The following CDYL2 variants were observed in gnomAD, a reference collection of about 807,000 sequenced individuals.
CDYL2 encodes chromodomain Y like 2.
A neutral mutation model predicts 49.4 loss-of-function variants in CDYL2; 23 were observed. That is an observed-to-expected ratio of 0.47 (90% CI 0.34 to 0.66). The LOEUF (loss-of-function observed/expected upper bound fraction) is 0.66, where lower values mean the gene tolerates loss of function less well. Ranked by LOEUF, CDYL2 falls within the 30% of genes least tolerant of loss-of-function variation. CDYL2 has a pLI of 0.01. For missense variants in CDYL2, 678 were observed against 656.4 expected (o/e 1.03, Z -0.36); for synonymous variants, 360 against 268.8 (o/e 1.34, Z -3.32).
At chr16:80,640,819 A>G (rs1472075926) in intron 2 of CDYL2, among the ~76,000 whole-genome samples, 1 of 152,252 alleles carries the variant, frequency 6.6e-6, no homozygotes, top group African/African-American at 2.4e-5. Context: ...TGAAGAATGC[A>G]GCAGACTCTG....
Position 80,602,953 on chromosome 16 carries a change from C to G in CDYL2, c.*1435G>C, listed in dbSNP as rs986127919. 1 of 152,276 alleles carries G rather than the reference C, an allele frequency of 6.6e-6. No individual in the cohort carries two copies. The highest frequency in any genetic ancestry group is 2.4e-5 in the African/African-American group (1 of 41,444). The allele number at this position is 152,276 out of a possible 1,614,324, so 9.4% of individuals were successfully genotyped here. A position where few individuals can be genotyped will look rare whatever the true frequency, so the allele number is the denominator to read the frequency against. ...CACTCAAAACCACAACCCCCAATCC[C>G]TCCTTCTCTGTAGTTAATCCAGGGA... On this transcript the variant is annotated 3_prime_UTR_variant, in exon 7 of 7. Transcript: ENST00000570137.
At chr16:80,698,742 C>T (rs1026392215) in intron 1 of CDYL2, among the ~76,000 whole-genome samples, 1 of 152,126 alleles carries the variant, frequency 6.6e-6, no homozygotes, top group Non-Finnish European at 1.5e-5. Flanking sequence ...TCTTCCCCTT[C>T]ACCTTCTGCC....
At chr16:80,744,376 A>C (rs1905853846) in intron 1 of CDYL2, among the ~76,000 whole-genome samples, 2 of 152,088 alleles carry the variant, frequency 1.3e-5, no homozygotes, top group Non-Finnish European at 2.9e-5. Flanking sequence ...TCCCCTTCAC[A>C]CATTGCATCC....
intron 1 of CDYL2, among the ~76,000 whole-genome samples, chr16:80,742,468 G>GGATGGATA (rs1211055253): frequency 2.6e-5 from 4 of 151,284 alleles, no homozygotes; most frequent in Non-Finnish European, 5.9e-5. Flanking sequence ...ATGCATGGAT[G>GGATGGATA]GATGGATGGA....
At chr16:80,729,911 A>T (rs538225901) in intron 1 of CDYL2, among the ~76,000 whole-genome samples, 1 of 152,338 alleles carries the variant, frequency 6.6e-6, no homozygotes, top group Non-Finnish European at 1.5e-5. Context: ...AACGAGAACA[A>T]AGACACAACA....
At chr16:80,703,164 A>G (rs1019775035) in intron 1 of CDYL2, among the ~76,000 whole-genome samples, 5 of 152,334 alleles carry the variant, frequency 3.3e-5, no homozygotes, top group Middle Eastern at 3.4e-3. Context: ...AGAGGTGGAG[A>G]TGTTAACAAG....
chr16:80,698,229 C>T (rs998073042), intron 1 of CDYL2, among the ~76,000 whole-genome samples: 17 of 152,102 alleles, frequency 1.1e-4, no homozygotes, highest in Admixed American at 3.3e-4. Flanking sequence ...CTCGAAAGCA[C>T]AGGCAACAAA....
At chr16:80,666,097 C>A (rs1288987476) in intron 2 of CDYL2, among the ~76,000 whole-genome samples, 1 of 152,144 alleles carries the variant, frequency 6.6e-6, no homozygotes, top group Non-Finnish European at 1.5e-5. Flanking sequence ...CTGCTTCATC[C>A]TTTCTGGCAG....
intron 3 of CDYL2, among the ~76,000 whole-genome samples, chr16:80,630,744 C>T (rs2142389004): frequency 6.6e-6 from 1 of 152,264 alleles, no homozygotes; most frequent in African/African-American, 2.4e-5. Flanking sequence ...GCTTCCCTCA[C>T]CATTTGTCAA....
At chr16:80,702,795 AT>A (rs1904309540) in intron 1 of CDYL2, among the ~76,000 whole-genome samples, 2 of 152,150 alleles carry the variant, frequency 1.3e-5, no homozygotes, top group Non-Finnish European at 2.9e-5. Context: ...CTCCTGGAGG[AT>A]GAGTAGACAC....
rs7191683 is a variant in CDYL2 at position 80,785,499 on chromosome 16, G to C, written c.24+18651C>G. ...AATGGAAAAACACTCCATGCTCATG[G>C]ATAGGAAGAATCAGTATCATGAAAA... On this transcript the variant is annotated intron_variant, in intron 1 of 6. Transcript: ENST00000570137. 1.7e-3 allele frequency among the ~76,000 whole-genome samples: 259 copies of C among 152,290 alleles called. 1 individual carries two copies. Among genetic ancestry groups the C allele is most frequent in the African/African-American group, 6.0e-3 (250 of 41,566 alleles).
intron 1 of CDYL2, among the ~76,000 whole-genome samples, chr16:80,740,659 T>C (rs1007463868): frequency 6.6e-6 from 1 of 152,258 alleles, no homozygotes; most frequent in African/African-American, 2.4e-5. Flanking sequence ...AATTTAAATA[T>C]TCAGAAAGAT....
chr16:80,788,540 T>G (rs897635374), intron 1 of CDYL2, among the ~76,000 whole-genome samples: 1 of 152,214 alleles, frequency 6.6e-6, no homozygotes, highest in Non-Finnish European at 1.5e-5. Context: ...ATACCTGGGA[T>G]TCTGTGGAAA....
At chr16:80,714,030 C>T (rs1289893639) in intron 1 of CDYL2, among the ~76,000 whole-genome samples, 1 of 152,164 alleles carries the variant, frequency 6.6e-6, no homozygotes, top group Non-Finnish European at 1.5e-5. Flanking sequence ...ACAAGCCATT[C>T]CCACGTTGCC....
At chr16:80,655,295 C>A (rs937417211) in intron 2 of CDYL2, among the ~76,000 whole-genome samples, 1 of 152,202 alleles carries the variant, frequency 6.6e-6, no homozygotes, top group Non-Finnish European at 1.5e-5. Context: ...TCATTTTATT[C>A]ATTCATTCAT....
chr16:80,671,668 C>CA (rs1191038714), intron 2 of CDYL2, among the ~76,000 whole-genome samples: 1 of 152,226 alleles, frequency 6.6e-6, no homozygotes, highest in Non-Finnish European at 1.5e-5. Context: ...AGAAAAAGCT[C>CA]AGCTTCAGTG....
intron 1 of CDYL2, among the ~76,000 whole-genome samples, chr16:80,788,527 C>T (rs1285808794): frequency 6.6e-6 from 1 of 152,168 alleles, no homozygotes; most frequent in East Asian, 1.9e-4. Context: ...CACTCATTGA[C>T]CTATACCTGG....
At position 80,656,328 on chromosome 16, in the gene CDYL2, G is replaced by A. The variant is rs186701202; in HGVS notation, c.617-23092C>T. ...CACCCAGGCCTAGGCCAAAGATTAG[G>A]CATTCCAGGCACAGAGGGGACTAAC... On this transcript the variant is annotated intron_variant, in intron 2 of 6. Transcript: ENST00000570137. Among the ~76,000 whole-genome samples, 27 of 152,334 alleles carry A rather than the reference G, an allele frequency of 1.8e-4. No homozygotes were observed. The East Asian group carries it at 4.6e-3, about 26-fold the overall frequency.
chr16:80,694,061 C>T (rs889660036), intron 1 of CDYL2, among the ~76,000 whole-genome samples: 10 of 152,236 alleles, frequency 6.6e-5, no homozygotes, highest in Admixed American at 1.3e-4. Context: ...CACCAAGGAC[C>T]AGTCTCATGG....
Sources: allele counts gnomAD v4.1 joint callset (sites outside exome capture counted in the v4.1 genomes callset), GRCh38; gene constraint gnomAD v4.1.1; transcripts MANE v1.5; gene names NCBI Gene and HGNC (gene_info 2026-07-23, HGNC 2026-07-21).